CACNA2D3: variants seen among roughly 807,000 people sequenced by gnomAD.
The protein encoded by CACNA2D3 is voltage-dependent calcium channel subunit alpha-2/delta-3.
A neutral mutation model predicts 160.6 loss-of-function variants in CACNA2D3; 60 were observed. That is an observed-to-expected ratio of 0.37 (90% CI 0.30 to 0.46). The LOEUF (loss-of-function observed/expected upper bound fraction) is 0.46. Among genes scored for constraint, CACNA2D3 ranks in the 20% least tolerant of loss-of-function variants. The pLI is 1.00. For missense variants in CACNA2D3, 1,205 were observed against 1,365.0 expected (o/e 0.88, Z 1.85); for synonymous variants, 558 against 492.9 (o/e 1.13, Z -1.75).
chr3:54,224,336 T>C (rs76041465), intron 2 of CACNA2D3, among the ~76,000 whole-genome samples: 2,755 of 152,268 alleles, frequency 0.018, 120 homozygotes, highest in East Asian at 0.14. Context: ...AATTACAGTA[T>C]AGTAAATACG....
chr3:54,138,467 G>A (rs1255229871), intron 2 of CACNA2D3, among the ~76,000 whole-genome samples: 1 of 152,164 alleles, frequency 6.6e-6, no homozygotes, highest in African/African-American at 2.4e-5. Context: ...TGCATCTCTG[G>A]TTATAGTGCC....
At position 55,073,481 on chromosome 3, in the gene CACNA2D3, G is replaced by A; in HGVS notation, c.3024G>A (p.Leu1008=). ...FVIQQIPSSN[L]FMVVVDSSCL... is the part of the protein sequence containing the mutation. ...TCCAGCAAATCCCAAGCAGCAACCT[G>A]TTCATGGTGGTGGTGGACAGCAGCT... Residue 1008 remains leucine, a synonymous_variant, in exon 36 of 38, where the codon CTG becomes CTA. Coordinates refer to ENST00000474759, the MANE Select transcript of CACNA2D3 (RefSeq NM_018398.3). 1.2e-6 allele frequency: 2 copies of A among 1,613,910 alleles called. No individual in the cohort carries two copies. Among genetic ancestry groups the A allele is most frequent in the Non-Finnish European group, 1.7e-6 (2 of 1,179,860 alleles).
chr3:54,957,466 A>G (rs1701928149), intron 27 of CACNA2D3, among the ~76,000 whole-genome samples: 2 of 152,192 alleles, frequency 1.3e-5, no homozygotes, highest in Non-Finnish European at 2.9e-5. Context: ...AATTTTCATC[A>G]TGGAATAAGT....
chr3:54,380,993 C>G (rs981960606), intron 3 of CACNA2D3, among the ~76,000 whole-genome samples: 1 of 152,240 alleles, frequency 6.6e-6, no homozygotes, highest in African/African-American at 2.4e-5. Flanking sequence ...GAGTTCCCCC[C>G]ATTTGAGCTT....
At chr3:54,122,971 T>C in intron 1 of CACNA2D3, 136 bp downstream of exon 1, 2 of 818,592 alleles carry the variant, frequency 2.4e-6, no homozygotes, top group Non-Finnish European at 3.2e-6. Context: ...CACCTGCCTT[T>C]CGGGACCCGC....
intron 2 of CACNA2D3, among the ~76,000 whole-genome samples, chr3:54,235,091 A>T (rs1158557059): frequency 1.3e-5 from 2 of 152,168 alleles, no homozygotes; most frequent in African/African-American, 4.8e-5. Context: ...GACTACTTGG[A>T]GAAATGGCTG....
intron 2 of CACNA2D3, among the ~76,000 whole-genome samples, chr3:54,186,745 A>G (rs1186042413): frequency 6.6e-6 from 1 of 152,142 alleles, no homozygotes; most frequent in Non-Finnish European, 1.5e-5. Context: ...AAAAAAATTA[A>G]CTGAGTTAAT....
chr3:54,590,906 TA>T (rs1404602960), intron 9 of CACNA2D3, among the ~76,000 whole-genome samples: 2 of 152,210 alleles, frequency 1.3e-5, no homozygotes, highest in African/African-American at 4.8e-5. Context: ...TTTAGTTATA[TA>T]AAAAAGTACT....
At chr3:54,924,634 T>C in intron 27 of CACNA2D3, 1 of 1,613,730 alleles carries the variant, frequency 6.2e-7, no homozygotes, top group Admixed American at 1.7e-5. Flanking sequence ...TAGACAAATT[T>C]CTCCAGCCAG....
At chr3:54,286,559 G>C (rs1421577995) in intron 2 of CACNA2D3, among the ~76,000 whole-genome samples, 1 of 152,168 alleles carries the variant, frequency 6.6e-6, no homozygotes, top group Non-Finnish European at 1.5e-5. Context: ...CCAATATTCA[G>C]ATTCAGGAAA....
intron 4 of CACNA2D3, among the ~76,000 whole-genome samples, chr3:54,480,328 A>G (rs1289229417): frequency 1.3e-5 from 2 of 152,286 alleles, no homozygotes; most frequent in Non-Finnish European, 2.9e-5. Flanking sequence ...TCTGCAGGGA[A>G]CATACCATTG....
At chr3:54,350,925 G>T (rs978125789) in intron 3 of CACNA2D3, among the ~76,000 whole-genome samples, 2 of 148,634 alleles carry the variant, frequency 1.3e-5, no homozygotes, top group Non-Finnish European at 3.0e-5. Flanking sequence ...TTGCTTCTAG[G>T]TCAGATGTTT....
rs1279179671 is a variant in CACNA2D3, at chr3:54,247,309, A to C, written c.205-73133A>C. ...AGCCTGGGCAACAGAGCACGACTCC[A>C]TCTCAAACAAACAAACAAACAAATA... On this transcript the variant is annotated intron_variant, in intron 2 of 37. Coordinates refer to ENST00000474759, the MANE Select transcript of CACNA2D3 (RefSeq NM_018398.3). 6.9e-5 allele frequency among the ~76,000 whole-genome samples: 6 copies of C among 86,810 alleles called. No homozygotes were observed. In the East Asian group the frequency reaches 1.7e-3, roughly 25 times the overall value. 57.0% of individuals were successfully genotyped at this position (86,810 alleles called of 152,430 possible). A position where few individuals can be genotyped will look rare whatever the true frequency, so the allele number is the denominator to read the frequency against.
At chr3:55,068,269 G>A (rs1704715279) in intron 35 of CACNA2D3, among the ~76,000 whole-genome samples, 1 of 152,234 alleles carries the variant, frequency 6.6e-6, no homozygotes, top group South Asian at 2.1e-4. Context: ...TTGCCAGTGA[G>A]TTAATTTAAG....
At chr3:54,262,685 G>C (rs934845156) in intron 2 of CACNA2D3, among the ~76,000 whole-genome samples, 11 of 152,266 alleles carry the variant, frequency 7.2e-5, no homozygotes, top group Non-Finnish European at 1.5e-4. Flanking sequence ...TTGGAGCTGG[G>C]GGACACAGGG....
chr3:54,788,926 G>GTAA (rs1240784864), intron 13 of CACNA2D3, among the ~76,000 whole-genome samples: 36 of 152,182 alleles, frequency 2.4e-4, no homozygotes, highest in Admixed American at 3.3e-4. Context: ...CTGGTATGTA[G>GTAA]GAGACATTTA....
rs572489089 is a variant in CACNA2D3 at position 54,460,036 on chromosome 3, T to C, written c.382-43456T>C. On this transcript the variant is annotated intron_variant, in intron 4 of 37. Transcript: ENST00000474759. Reference sequence around the variant, plus strand: ...CACCATTTATTAAATAGGGAATCCTTTCCCCATTGCTTGTTTTTCTCAGGT... The same window carrying C: ...CACCATTTATTAAATAGGGAATCCTCTCCCCATTGCTTGTTTTTCTCAGGT... 2.0e-5 allele frequency among the ~76,000 whole-genome samples: 3 copies of C among 152,164 alleles called. No individual in the cohort carries two copies. In the South Asian group the frequency reaches 6.2e-4, roughly 32 times the overall value.
chr3:54,136,889 G>A (rs1033271400), intron 2 of CACNA2D3, among the ~76,000 whole-genome samples: 6 of 152,206 alleles, frequency 3.9e-5, no homozygotes, highest in African/African-American at 1.4e-4. Context: ...TCATTTGGTG[G>A]TCCGTGGACC....
intron 18 of CACNA2D3, among the ~76,000 whole-genome samples, chr3:54,872,350 A>G (rs992597016): frequency 6.6e-6 from 1 of 152,100 alleles, no homozygotes; most frequent in Non-Finnish European, 1.5e-5. Flanking sequence ...ATTAAATCAT[A>G]ACTTCCCAGG....
Sources: allele counts gnomAD v4.1 joint callset (sites outside exome capture counted in the v4.1 genomes callset), GRCh38; gene constraint gnomAD v4.1.1; transcripts MANE v1.5; gene names NCBI Gene and HGNC (gene_info 2026-07-23, HGNC 2026-07-21).